The following NUSAP1 variants were observed in gnomAD, a reference collection of about 807,000 sequenced individuals.
NUSAP1 encodes nucleolar and spindle associated protein 1, also known as nucleolar and spindle-associated protein 1.
NUSAP1 carries 32 observed loss-of-function variants against 52.8 expected under a neutral mutation model. The ratio of observed to expected loss-of-function variants is 0.61; its 90% CI spans 0.46 to 0.81. The LOEUF (loss-of-function observed/expected upper bound fraction) is 0.81. Ranked by LOEUF, NUSAP1 falls within the 40% of genes least tolerant of loss-of-function variation. NUSAP1 has a pLI of 0.00. For synonymous variants in NUSAP1, 195 were observed against 183.1 expected (o/e 1.06, Z -0.52); for missense variants, 499 against 522.3 (o/e 0.96, Z 0.43).
At chr15:41,359,594 G>A (rs575166276) in intron 6 of NUSAP1, among the ~76,000 whole-genome samples, 1 of 151,498 alleles carries the variant, frequency 6.6e-6, no homozygotes, top group Non-Finnish European at 1.5e-5. Context: ...TCATTTTAAC[G>A]ATGTAAAACC....
intron 7 of NUSAP1, among the ~76,000 whole-genome samples, chr15:41,366,879 G>A (rs576924205): frequency 6.6e-6 from 1 of 152,162 alleles, no homozygotes; most frequent in African/African-American, 2.4e-5. Flanking sequence ...AGGTTTCATA[G>A]GGAAGAACAT....
chr15:41,362,498 C>G (rs2049216395), intron 6 of NUSAP1, among the ~76,000 whole-genome samples: 1 of 149,972 alleles, frequency 6.7e-6, no homozygotes, highest in African/African-American at 2.5e-5. Context: ...AATCTCAGCT[C>G]ACTGCAAGCT....
Position 41,362,534 on chromosome 15 carries a change from C to T in NUSAP1, c.661-2868C>T, listed in dbSNP as rs189624888. 4.1e-3 allele frequency among the ~76,000 whole-genome samples: 616 copies of T among 151,610 alleles called. 5 individuals carry two copies. Among genetic ancestry groups the T allele is most frequent in the African/African-American group, 0.014 (593 of 41,384 alleles). ...CCTCTTCCCAGGTTCATGCCACTCTCCTGTCTCAGCCTCCTGAGTAGCTGG... is the reference window on the plus strand; with the variant it reads ...CCTCTTCCCAGGTTCATGCCACTCTTCTGTCTCAGCCTCCTGAGTAGCTGG... On this transcript the variant is annotated intron_variant, in intron 6 of 10. Coordinates refer to ENST00000559596, the MANE Select transcript of NUSAP1 (RefSeq NM_016359.5).
intron 4 of NUSAP1, among the ~76,000 whole-genome samples, chr15:41,353,643 GA>G (rs1430129701): frequency 6.6e-6 from 1 of 152,026 alleles, no homozygotes; most frequent in Admixed American, 6.6e-5. Context: ...TGAAAGAAAA[GA>G]AAAAAATAAT....
In NUSAP1 at chr15:41,332,889, A is replaced by G; in HGVS notation, c.-69A>G. 3 of 1,227,332 alleles carry G rather than the reference A, an allele frequency of 2.4e-6. No homozygotes were observed. Among genetic ancestry groups the G allele is most frequent in the Non-Finnish European group, 3.5e-6 (3 of 850,890 alleles). The allele number at this position is 1,227,332 out of a possible 1,614,324, so 76.0% of individuals were successfully genotyped here. A position where few individuals can be genotyped will look rare whatever the true frequency, so the allele number is the denominator to read the frequency against. On this transcript the variant is annotated 5_prime_UTR_variant, in exon 1 of 11. Transcript: ENST00000559596. ...CCTAGTCAAAGTTAAGAGTGGCGCC[A>G]GGGATTTGAACCGCGCTGACGAAGT...
chr15:41,378,899 CAAAA>C (rs538916330), intron 10 of NUSAP1, among the ~76,000 whole-genome samples: 2 of 87,506 alleles, frequency 2.3e-5, no homozygotes, highest in East Asian at 6.7e-4. Flanking sequence ...TTAGACAAAC[CAAAA>C]AAAAAAAAGA....
intron 2 of NUSAP1, among the ~76,000 whole-genome samples, chr15:41,347,825 A>G (rs977028411): frequency 6.6e-6 from 1 of 152,002 alleles, no homozygotes; most frequent in Non-Finnish European, 1.5e-5. Context: ...AAAAAAAAAA[A>G]AAAAGAAAGA....
At chr15:41,367,213 C>T (rs1428579692) in intron 7 of NUSAP1, among the ~76,000 whole-genome samples, 1 of 152,180 alleles carries the variant, frequency 6.6e-6, no homozygotes, top group African/African-American at 2.4e-5. Context: ...AGGTCAGGGG[C>T]TTCTCTGCAG....
At position 41,349,160 on chromosome 15, in the gene NUSAP1, A is replaced by G. The variant is rs754826264; in HGVS notation, c.225A>G (p.Glu75=). Residue 75 remains glutamate, a synonymous_variant, in exon 3 of 11, where the codon GAA becomes GAG. Transcript: ENST00000559596. ...CTGAGATACAGATCAGCAACCAGGAAGAAGCTGAGAGACAGCCACTTGGCC... is the reference window on the plus strand; with the variant it reads ...CTGAGATACAGATCAGCAACCAGGAGGAAGCTGAGAGACAGCCACTTGGCC... ...DETEIQISNQ[E]EAERQPLGHV... The G allele has an allele frequency of 1.2e-6, 2 of 1,613,898 alleles. No individual in the cohort carries two copies. Among genetic ancestry groups the G allele is most frequent in the Non-Finnish European group, 1.7e-6 (2 of 1,179,762 alleles).
intron 2 of NUSAP1, among the ~76,000 whole-genome samples, chr15:41,344,906 A>G (rs901215386): frequency 6.6e-6 from 1 of 152,158 alleles, no homozygotes; most frequent in Non-Finnish European, 1.5e-5. Context: ...ACGCCGCTGC[A>G]TTCCAGCCTA....
intron 8 of NUSAP1, among the ~76,000 whole-genome samples, chr15:41,373,036 G>C (rs934555248): frequency 4.0e-5 from 6 of 151,850 alleles, no homozygotes; most frequent in Non-Finnish European, 8.8e-5. Context: ...GCAGTGAGCC[G>C]AGATTGTGCC....
At chr15:41,341,467 C>T (rs2048364486) in intron 1 of NUSAP1, among the ~76,000 whole-genome samples, 1 of 152,122 alleles carries the variant, frequency 6.6e-6, no homozygotes, top group South Asian at 2.1e-4. Flanking sequence ...AAGAGAAGCT[C>T]AGTGTTCCCT....
chr15:41,340,540 G>A (rs1032595743), intron 1 of NUSAP1, among the ~76,000 whole-genome samples: 1 of 152,144 alleles, frequency 6.6e-6, no homozygotes, highest in Non-Finnish European at 1.5e-5. Context: ...ATGAATATAT[G>A]CTGATAACTA....
At chr15:41,354,396 T>C (rs1184853223) in intron 4 of NUSAP1, among the ~76,000 whole-genome samples, 6 of 152,042 alleles carry the variant, frequency 3.9e-5, no homozygotes, top group Non-Finnish European at 8.8e-5. Context: ...TCCCAGCTAC[T>C]TAGGAGGCTG....
intron 6 of NUSAP1, among the ~76,000 whole-genome samples, chr15:41,365,102 G>A (rs1336879433): frequency 1.3e-5 from 2 of 152,150 alleles, no homozygotes; most frequent in African/African-American, 4.8e-5. Context: ...AGGGATAAAT[G>A]GAAACGCTCT....
chr15:41,373,159 C>G (rs2049774745), intron 8 of NUSAP1, among the ~76,000 whole-genome samples: 1 of 151,590 alleles, frequency 6.6e-6, no homozygotes, highest in Non-Finnish European at 1.5e-5. Context: ...GCTAACTAAA[C>G]TACACCATCC....
intron 7 of NUSAP1, 37 bp downstream of exon 7, chr15:41,365,626 AT>A (rs1328306529): frequency 6.6e-7 from 1 of 1,523,240 alleles, no homozygotes; most frequent in African/African-American, 1.4e-5. Flanking sequence ...CATGAACAAG[AT>A]TTCACATGGA....
intron 1 of NUSAP1, among the ~76,000 whole-genome samples, chr15:41,338,723 T>TG (rs1458409202): frequency 6.6e-6 from 1 of 151,592 alleles, no homozygotes; most frequent in East Asian, 1.9e-4. Flanking sequence ...TGAGAGGCCG[T>TG]GGTGGGTGGA....
At chr15:41,361,225 C>G (rs994816844) in intron 6 of NUSAP1, among the ~76,000 whole-genome samples, 1 of 151,950 alleles carries the variant, frequency 6.6e-6, no homozygotes, top group Non-Finnish European at 1.5e-5. Flanking sequence ...GAAACCCCAT[C>G]TTTACTAAAA....
Sources: allele counts gnomAD v4.1 joint callset (sites outside exome capture counted in the v4.1 genomes callset), GRCh38; gene constraint gnomAD v4.1.1; transcripts MANE v1.5; gene names NCBI Gene and HGNC (gene_info 2026-07-23, HGNC 2026-07-21).